The following TRPM3 variants were observed in gnomAD, a reference collection of about 807,000 sequenced individuals.
TRPM3 encodes long transient receptor potential channel 3.
TRPM3 carries 77 observed loss-of-function variants against 181.2 expected under a neutral mutation model. The ratio of observed to expected loss-of-function variants is 0.42; its 90% CI spans 0.35 to 0.51. The LOEUF (loss-of-function observed/expected upper bound fraction) is 0.51, where lower values mean the gene tolerates loss of function less well. Among genes scored for constraint, TRPM3 ranks in the 20% least tolerant of loss-of-function variants. TRPM3 has a pLI of 0.01. For missense variants in TRPM3, 1,759 were observed against 2,196.7 expected, an observed-to-expected ratio of 0.80 and a Z score of 3.98; for synonymous variants, 745 against 796.4, an observed-to-expected ratio of 0.94 and a Z score of 1.09.
At chr9:70,921,521 G>C (rs2096652902) in intron 1 of TRPM3, among the ~76,000 whole-genome samples, 1 of 152,188 alleles carries the variant, frequency 6.6e-6, no homozygotes, top group African/African-American at 2.4e-5. Context: ...TGGTGAGAGA[G>C]TGCTGAAGTG....
chr9:71,259,800 G>T (rs1002356634), intron 1 of TRPM3, among the ~76,000 whole-genome samples: 1 of 152,114 alleles, frequency 6.6e-6, no homozygotes, highest in Admixed American at 6.6e-5. Flanking sequence ...CCCTTTGCCA[G>T]AAGGTTTGCA....
rs192764454 is a variant in TRPM3 at position 71,136,520 on chromosome 9, C to T, written c.184-272009G>A. Among the ~76,000 whole-genome samples, 221 of 152,296 alleles carry T rather than the reference C, an allele frequency of 1.5e-3. 1 individual carries two copies. Among genetic ancestry groups the T allele is most frequent in the African/African-American group, 5.1e-3 (212 of 41,546 alleles). On this transcript the variant is annotated intron_variant, in intron 1 of 24. Transcript: ENST00000357533. ...TTTTTACTTATCCATCCTACTTCTT[C>T]GCAATCATACATAACACATTTAATA...
At chr9:70,595,347 A>T (rs933492965) in intron 21 of TRPM3, among the ~76,000 whole-genome samples, 5 of 152,222 alleles carry the variant, frequency 3.3e-5, no homozygotes, top group African/African-American at 1.2e-4. Flanking sequence ...TTCTCAACAG[A>T]GGCCAATTTC....
chr9:71,279,936 A>G (rs562480960), intron 1 of TRPM3, among the ~76,000 whole-genome samples: 10 of 152,006 alleles, frequency 6.6e-5, no homozygotes, highest in Non-Finnish European at 1.2e-4. Flanking sequence ...AAAATTAGCC[A>G]GGTGTGGTGG....
At chr9:71,288,325 C>T (rs996819523) in intron 1 of TRPM3, among the ~76,000 whole-genome samples, 11 of 151,770 alleles carry the variant, frequency 7.2e-5, no homozygotes, top group African/African-American at 1.7e-4. Flanking sequence ...TAAAACTGTT[C>T]GATTATTAAC....
At chr9:70,930,620 C>T (rs1166345987) in intron 1 of TRPM3, among the ~76,000 whole-genome samples, 2 of 152,048 alleles carry the variant, frequency 1.3e-5, no homozygotes, top group Admixed American at 6.6e-5. Flanking sequence ...ATTAATGATA[C>T]ATTAGCAGGC....
intron 1 of TRPM3, among the ~76,000 whole-genome samples, chr9:71,436,298 C>CTTTTTT (rs71352382): frequency 4.4e-4 from 34 of 77,300 alleles, no homozygotes; most frequent in African/African-American, 8.9e-4. Context: ...TTTTTTCTTT[C>CTTTTTT]TTTTTTTTTT....
At chr9:70,559,132 C>T (rs569510569) in intron 22 of TRPM3, among the ~76,000 whole-genome samples, 2 of 152,292 alleles carry the variant, frequency 1.3e-5, no homozygotes, top group South Asian at 4.1e-4. Flanking sequence ...GGAATATAAG[C>T]CTCACAGGGC....
rs529860495 is a variant in TRPM3 at position 70,856,510 on chromosome 9, T to A, written c.462+6398A>T. On this transcript the variant is annotated intron_variant, in intron 3 of 25. Coordinates refer to ENST00000677713, the MANE Select transcript of TRPM3 (RefSeq NM_001366145.2). ...TTGCATATTGCAAAGATAGACAGTT[T>A]TTTAAATCTCAAATTCAATCCTAAA... is the stretch of plus-strand genomic sequence containing the variant. Among the ~76,000 whole-genome samples, 7 of 152,310 alleles carry A rather than the reference T, an allele frequency of 4.6e-5. No homozygotes were observed. The South Asian group carries it at 1.4e-3, about 32-fold the overall frequency.
intron 1 of TRPM3, among the ~76,000 whole-genome samples, chr9:70,919,757 C>T (rs1248959126): frequency 6.7e-6 from 1 of 149,044 alleles, no homozygotes; most frequent in East Asian, 2.0e-4. Flanking sequence ...GCACTCCAGC[C>T]TGGGTGACAA....
At chr9:71,348,555 T>C (rs984705103) in intron 1 of TRPM3, among the ~76,000 whole-genome samples, 4 of 85,162 alleles carry the variant, frequency 4.7e-5, no homozygotes, top group African/African-American at 1.1e-4. Flanking sequence ...TATTTATATA[T>C]TTATTTATTT....
chr9:71,321,660 T>C (rs1037109276), intron 1 of TRPM3, among the ~76,000 whole-genome samples: 2 of 152,134 alleles, frequency 1.3e-5, no homozygotes, highest in African/African-American at 4.8e-5. Context: ...TTCTGTGAGA[T>C]GAACTTCCTG....
At chr9:71,291,223 A>T (rs2085781970) in intron 1 of TRPM3, among the ~76,000 whole-genome samples, 1 of 152,086 alleles carries the variant, frequency 6.6e-6, no homozygotes, top group African/African-American at 2.4e-5. Context: ...CCCCAAATAT[A>T]CCAGTTTTTC....
Position 70,862,966 on chromosome 9 carries a change from G to A in TRPM3, c.404C>T (p.Pro135Leu). ...WSISKHTQLS[P>L]TDAFGTIEFQ... is the part of the protein sequence containing the mutation. ...CTCAATGGTCCCAAAAGCATCCGTA[G>A]GGCTGAGTTGAGTGTGTTTGCTGAT... The change falls in exon 3 of 26, where the codon CCT becomes CTT. Residue 135 changes from proline (P) to leucine (L), a missense_variant. This residue lies in a region of TRPM3 where 737 missense variants were observed against 957.4 expected (regional missense o/e 0.77). Coordinates refer to ENST00000677713, the MANE Select transcript of TRPM3 (RefSeq NM_001366145.2). The A allele has an allele frequency of 6.2e-7, 1 of 1,613,682 alleles. No homozygotes were observed. Among genetic ancestry groups the A allele is most frequent in the East Asian group, 2.2e-5 (1 of 44,862 alleles).
intron 9 of TRPM3, among the ~76,000 whole-genome samples, chr9:70,680,964 T>G (rs1368138970): frequency 6.6e-6 from 1 of 152,084 alleles, no homozygotes; most frequent in Non-Finnish European, 1.5e-5. Flanking sequence ...CAACGCAGAG[T>G]ATTACCATTT....
Position 70,827,766 on chromosome 9 carries a change from A to G in TRPM3, c.973+81T>C, listed in dbSNP as rs906113315. 4.0e-6 allele frequency: 6 copies of G among 1,487,600 alleles called. No homozygotes were observed. The Admixed American group carries it at 1.2e-4, about 29-fold the overall frequency. The allele number at this position is 1,487,600 out of a possible 1,614,324, so 92.2% of individuals were successfully genotyped here. A position where few individuals can be genotyped will look rare whatever the true frequency, so the allele number is the denominator to read the frequency against. On this transcript the variant is annotated intron_variant, in intron 6 of 25. Coordinates refer to ENST00000677713, the MANE Select transcript of TRPM3 (RefSeq NM_001366145.2). ...TAAAACTTGCTCAAGTTTTTATTAC[A>G]TTGCTGCATGGTGTACTTAAAGTTA...
chr9:71,287,710 T>C (rs1306211272), intron 1 of TRPM3, among the ~76,000 whole-genome samples: 1 of 151,842 alleles, frequency 6.6e-6, no homozygotes, highest in East Asian at 1.9e-4. Context: ...ATATATCAAT[T>C]GAATAAGATA....
chr9:70,898,084 T>G (rs1161574232), intron 1 of TRPM3, among the ~76,000 whole-genome samples: 1 of 151,934 alleles, frequency 6.6e-6, no homozygotes, highest in African/African-American at 2.4e-5. Flanking sequence ...TGCAGGCACC[T>G]ACATTCTCAC....
chr9:70,964,379 A>G (rs1350832642), intron 1 of TRPM3, among the ~76,000 whole-genome samples: 1 of 152,084 alleles, frequency 6.6e-6, no homozygotes, highest in African/African-American at 2.4e-5. Flanking sequence ...GAGCTTAAAA[A>G]CTATGAGACA....
Sources: allele counts gnomAD v4.1 joint callset (sites outside exome capture counted in the v4.1 genomes callset), GRCh38; gene constraint gnomAD v4.1.1; regional missense constraint gnomAD v4.1.1; transcripts MANE v1.5; gene names NCBI Gene and HGNC (gene_info 2026-07-23, HGNC 2026-07-21).